The following CDH13 variants were observed in gnomAD, a reference collection of about 807,000 sequenced individuals.
CDH13 encodes cadherin-13.
A neutral mutation model predicts 63.8 loss-of-function variants in CDH13; 24 were observed. The observed-to-expected ratio is 0.38, with a 90% CI of 0.27 to 0.53. The LOEUF (loss-of-function observed/expected upper bound fraction) is 0.53. Among genes scored for constraint, CDH13 ranks in the 20% least tolerant of loss-of-function variants. The pLI is 0.85. For synonymous variants in CDH13, 503 were observed against 355.3 expected, an observed-to-expected ratio of 1.42 and a Z score of -4.67; for missense variants, 1,049 against 903.1, an observed-to-expected ratio of 1.16 and a Z score of -2.07.
At chr16:82,634,867 T>A (rs1908459735) in intron 1 of CDH13, among the ~76,000 whole-genome samples, 1 of 152,172 alleles carries the variant, frequency 6.6e-6, no homozygotes. Flanking sequence ...GACCAAATGG[T>A]TCCAATAAAT....
chr16:83,340,839 A>G (rs895842896), intron 5 of CDH13, among the ~76,000 whole-genome samples: 1 of 152,138 alleles, frequency 6.6e-6, no homozygotes, highest in African/African-American at 2.4e-5. Flanking sequence ...TCTAGCTGTC[A>G]TTTGTTGAGT....
intron 6 of CDH13, among the ~76,000 whole-genome samples, chr16:83,379,031 G>A (rs2091508784): frequency 1.3e-5 from 2 of 151,232 alleles, no homozygotes; most frequent in South Asian, 2.1e-4. Flanking sequence ...ACACACGTGT[G>A]TGTATAACAT....
chr16:82,999,153 C>T (rs1049044951), intron 2 of CDH13, among the ~76,000 whole-genome samples: 27 of 152,238 alleles, frequency 1.8e-4, no homozygotes, highest in African/African-American at 6.5e-4. Flanking sequence ...GACTTGTCCT[C>T]TTATCTATGT....
chr16:82,682,706 G>T (rs939420602), intron 1 of CDH13, among the ~76,000 whole-genome samples: 1 of 152,212 alleles, frequency 6.6e-6, no homozygotes, highest in African/African-American at 2.4e-5. Context: ...TGGACACAAA[G>T]TAATTGAGCT....
chr16:83,748,046 C>G, intron 10 of CDH13, 62 bp from the exon 11 acceptor site: 1 of 1,584,974 alleles, frequency 6.3e-7, no homozygotes, highest in South Asian at 1.1e-5. Context: ...GCCCTGCACT[C>G]TGTAAATGTT....
chr16:83,426,907 C>CTTTTTTTTTTTTTTTTTTTTT (rs71148833), intron 6 of CDH13, among the ~76,000 whole-genome samples: 1 of 63,182 alleles, frequency 1.6e-5, no homozygotes, highest in Non-Finnish European at 2.8e-5. Context: ...ATGTTTCTTT[C>CTTTTTTTTTTTTTTTTTTTTT]TTTTTTTTTT....
intron 1 of CDH13, among the ~76,000 whole-genome samples, chr16:82,664,602 C>G (rs1451249584): frequency 1.3e-5 from 2 of 152,184 alleles, no homozygotes; most frequent in South Asian, 2.1e-4. Context: ...AGAAAGGACC[C>G]AAGTTTTTCC....
intron 2 of CDH13, among the ~76,000 whole-genome samples, chr16:82,930,728 T>G (rs2042463784): frequency 6.6e-6 from 1 of 152,146 alleles, no homozygotes; most frequent in Non-Finnish European, 1.5e-5. Context: ...CACTTAAAAT[T>G]AAAGCTATAA....
chr16:83,797,495 C>G lies in CDH13; in HGVS notation c.*2465C>G, dbSNP rs1221041600. On this transcript the variant is annotated 3_prime_UTR_variant, in exon 14 of 14. Coordinates refer to ENST00000567109, the MANE Select transcript of CDH13 (RefSeq NM_001257.5). ...CACAGTTCTAATCAGGACAGAGATACTTCTGTCATGTTGTTCCTCCTAATA... is the reference window on the plus strand; with the variant it reads ...CACAGTTCTAATCAGGACAGAGATAGTTCTGTCATGTTGTTCCTCCTAATA... 1 of 152,174 alleles carries G rather than the reference C, an allele frequency of 6.6e-6. No individual in the cohort carries two copies. Among genetic ancestry groups the G allele is most frequent in the East Asian group, 1.9e-4 (1 of 5,200 alleles). 9.4% of individuals were successfully genotyped at this position (152,174 alleles called of 1,614,324 possible). A position where few individuals can be genotyped will look rare whatever the true frequency, so the allele number is the denominator to read the frequency against.
chr16:82,708,786 C>G (rs1489409727), intron 1 of CDH13, among the ~76,000 whole-genome samples: 1 of 152,110 alleles, frequency 6.6e-6, no homozygotes, highest in East Asian at 1.9e-4. Context: ...CTGAGACACC[C>G]CTCCCCAGAC....
intron 7 of CDH13, among the ~76,000 whole-genome samples, chr16:83,504,454 C>T (rs1255648855): frequency 6.6e-6 from 1 of 152,240 alleles, no homozygotes; most frequent in Non-Finnish European, 1.5e-5. Flanking sequence ...GACACTCAGC[C>T]TGTCCAGTGT....
Position 83,756,849 on chromosome 16 carries a change from A to G in CDH13, c.1681+8599A>G, listed in dbSNP as rs375086143. ...AATCTACAATCATTGTGGGAGTCTT[A>G]AAACATCTCTCATATCAGCTTCAAG... On this transcript the variant is annotated intron_variant, in intron 11 of 13. Coordinates refer to ENST00000567109, the MANE Select transcript of CDH13 (RefSeq NM_001257.5). 2.0e-5 allele frequency among the ~76,000 whole-genome samples: 3 copies of G among 152,354 alleles called. No individual in the cohort carries two copies. The East Asian group carries it at 5.8e-4, about 29-fold the overall frequency.
chr16:83,125,551 G>A lies in CDH13; in HGVS notation c.483+50G>A, dbSNP rs1335835818. 3.1e-6 allele frequency: 3 copies of A among 963,404 alleles called. No homozygotes were observed. The South Asian group carries it at 4.1e-5, about 13-fold the overall frequency. 59.7% of individuals were successfully genotyped at this position (963,404 alleles called of 1,614,324 possible). ...CAAAAACATGTTTTTATGAAAAGAT[G>A]AGCACAGCAGACTGAGTATGACTGT... On this transcript the variant is annotated intron_variant, in intron 4 of 13. Coordinates refer to ENST00000567109, the MANE Select transcript of CDH13 (RefSeq NM_001257.5).
At chr16:83,580,242 G>A (rs750787426) in intron 7 of CDH13, among the ~76,000 whole-genome samples, 22 of 152,202 alleles carry the variant, frequency 1.4e-4, no homozygotes, top group African/African-American at 3.4e-4. Context: ...AAATATGTGC[G>A]TGAGGTGATG....
intron 1 of CDH13, 125 bp downstream of exon 1, chr16:82,627,262 G>T (rs918831289): frequency 2.5e-6 from 2 of 797,186 alleles, no homozygotes. Context: ...AAGACAGATC[G>T]GGGCTCGGTA....
intron 2 of CDH13, among the ~76,000 whole-genome samples, chr16:82,933,669 A>G (rs890822967): frequency 4.6e-5 from 7 of 152,068 alleles, no homozygotes; most frequent in Non-Finnish European, 8.8e-5. Flanking sequence ...AGCCTGTAAA[A>G]TCAAAAGCAA....
At chr16:82,759,244 A>G (rs1200446986) in intron 1 of CDH13, among the ~76,000 whole-genome samples, 3 of 152,084 alleles carry the variant, frequency 2.0e-5, no homozygotes, top group African/African-American at 7.2e-5. Flanking sequence ...TTATTTGTGT[A>G]TCTCCCTTCT....
intron 6 of CDH13, among the ~76,000 whole-genome samples, chr16:83,419,264 T>C (rs2071643498): frequency 6.6e-6 from 1 of 152,186 alleles, no homozygotes; most frequent in South Asian, 2.1e-4. Context: ...TATTCATTGA[T>C]TCTGTCTTTG....
intron 2 of CDH13, among the ~76,000 whole-genome samples, chr16:82,906,735 C>T (rs921336759): frequency 1.3e-5 from 2 of 152,134 alleles, no homozygotes; most frequent in African/African-American, 4.8e-5. Flanking sequence ...TGTACTCCCT[C>T]CGAAGGCTCC....
Sources: gnomAD v4.1 joint callset for allele counts (sites outside exome capture counted in the v4.1 genomes callset) on GRCh38, gnomAD v4.1.1 for gene constraint, MANE v1.5 for transcripts, NCBI Gene and HGNC (gene_info 2026-07-23, HGNC 2026-07-21) for gene names.